The following MAGI2 variants were observed in gnomAD, a reference collection of about 807,000 sequenced individuals.
MAGI2 encodes the protein membrane-associated guanylate kinase, WW and PDZ domain-containing protein 2.
Under a neutral mutation model 133.3 loss-of-function variants are expected in MAGI2, and 35 were observed. That is an observed-to-expected ratio of 0.26 (90% CI 0.20 to 0.35). The LOEUF is 0.35. Among genes scored for constraint, MAGI2 ranks in the 10% least tolerant of loss-of-function variants. The pLI is 1.00. For missense variants in MAGI2, 1,636 were observed against 1,863.4 expected (o/e 0.88, Z 2.25); for synonymous variants, 729 against 710.6 (o/e 1.03, Z -0.41).
intron 3 of MAGI2, among the ~76,000 whole-genome samples, chr7:78,590,846 A>C (rs1803923994): frequency 6.6e-6 from 1 of 152,180 alleles, no homozygotes; most frequent in Non-Finnish European, 1.5e-5. Context: ...AATGTAATTT[A>C]CTTTCCTTTC....
chr7:78,193,291 C>T (rs1317292586), intron 12 of MAGI2, among the ~76,000 whole-genome samples: 3 of 152,178 alleles, frequency 2.0e-5, no homozygotes, highest in Non-Finnish European at 4.4e-5. Flanking sequence ...TCTCTTAATG[C>T]TCCCTAAATG....
chr7:79,071,025 T>C (rs997189874), intron 1 of MAGI2, among the ~76,000 whole-genome samples: 5 of 152,084 alleles, frequency 3.3e-5, no homozygotes, highest in African/African-American at 4.8e-5. Context: ...AGAAGAGGCG[T>C]TCTGGTTTTT....
intron 4 of MAGI2, among the ~76,000 whole-genome samples, chr7:78,504,469 G>C (rs765483740): frequency 2.0e-5 from 3 of 152,090 alleles, no homozygotes; most frequent in Non-Finnish European, 4.4e-5. Flanking sequence ...AATACCGTTA[G>C]GGTAAATACG....
At chr7:78,093,052 C>T (rs1458965020) in intron 20 of MAGI2, among the ~76,000 whole-genome samples, 2 of 136,132 alleles carry the variant, frequency 1.5e-5, no homozygotes, top group African/African-American at 2.8e-5. Context: ...AGGAGAATGG[C>T]GTGAACCTGG....
intron 2 of MAGI2, among the ~76,000 whole-genome samples, chr7:78,859,011 T>C (rs532273691): frequency 6.6e-6 from 1 of 152,328 alleles, no homozygotes; most frequent in East Asian, 1.9e-4. Context: ...TTGTCTCTTT[T>C]GATCTTTGCG....
At chr7:78,418,996 T>C (rs1584007777) in intron 6 of MAGI2, among the ~76,000 whole-genome samples, 1 of 152,218 alleles carries the variant, frequency 6.6e-6, no homozygotes, top group East Asian at 1.9e-4. Flanking sequence ...GATAATAAAT[T>C]GCCTGGAAAT....
At chr7:78,523,813 C>A (rs1796716806) in intron 3 of MAGI2, among the ~76,000 whole-genome samples, 1 of 152,010 alleles carries the variant, frequency 6.6e-6, no homozygotes, top group Admixed American at 6.5e-5. Context: ...ATGGGGATTA[C>A]AATTCAAGAT....
chr7:78,722,717 G>A (rs7805425), intron 2 of MAGI2, among the ~76,000 whole-genome samples: 39,191 of 151,836 alleles, frequency 0.26, 5,691 homozygotes, highest in South Asian at 0.41. Context: ...AACAACCTCT[G>A]TTAAATAATT....
chr7:78,493,693 G>A (rs1370689322), intron 5 of MAGI2, among the ~76,000 whole-genome samples: 1 of 152,074 alleles, frequency 6.6e-6, no homozygotes, highest in Non-Finnish European at 1.5e-5. Context: ...TTATACTGAG[G>A]TGCTTCATTT....
At chr7:78,358,494 G>GC (rs1792406675) in intron 7 of MAGI2, 1 of 155,320 alleles carries the variant, frequency 6.4e-6, no homozygotes, top group Non-Finnish European at 1.4e-5. Flanking sequence ...CCTTCCCAAG[G>GC]CCCACCCGCC....
intron 1 of MAGI2, among the ~76,000 whole-genome samples, chr7:79,041,071 A>G (rs759557000): frequency 9.9e-5 from 15 of 152,164 alleles, no homozygotes; most frequent in Admixed American, 2.0e-4. Context: ...CATTCTACAC[A>G]TGTATCAAAA....
intron 2 of MAGI2, among the ~76,000 whole-genome samples, chr7:78,744,466 T>G (rs1357989669): frequency 1.3e-5 from 2 of 152,220 alleles, no homozygotes; most frequent in Non-Finnish European, 2.9e-5. Flanking sequence ...GGAATATGAA[T>G]TTAATTGTTT....
At chr7:79,378,971 T>TATATATATATATA (rs1563168412) in intron 1 of MAGI2, among the ~76,000 whole-genome samples, 3 of 101,426 alleles carry the variant, frequency 3.0e-5, no homozygotes, top group Admixed American at 9.2e-5. Flanking sequence ...TATATATATA[T>TATATATATATATA]TAAACTTTAA....
At chr7:78,638,928 GAAAAGAAAGATCA>G (rs1809973684) in intron 2 of MAGI2, among the ~76,000 whole-genome samples, 2 of 152,068 alleles carry the variant, frequency 1.3e-5, no homozygotes, top group South Asian at 4.2e-4. Flanking sequence ...TGAGCTTAAG[GAAAAGAAAGATCA>G]GTGACTTTCT....
intron 2 of MAGI2, among the ~76,000 whole-genome samples, chr7:78,685,469 T>G (rs1386069651): frequency 6.3e-5 from 1 of 15,758 alleles, no homozygotes; most frequent in Non-Finnish European, 1.5e-4. Flanking sequence ...CATTGTCGTT[T>G]TTTTTTTTTT....
At chr7:79,312,541 G>T (rs1051127243) in intron 1 of MAGI2, among the ~76,000 whole-genome samples, 1 of 152,010 alleles carries the variant, frequency 6.6e-6, no homozygotes, top group Non-Finnish European at 1.5e-5. Context: ...ACACAGTCTG[G>T]CTTCTGTTTC....
chr7:79,312,285 C>A (rs923856533), intron 1 of MAGI2, among the ~76,000 whole-genome samples: 1 of 152,116 alleles, frequency 6.6e-6, no homozygotes, highest in African/African-American at 2.4e-5. Context: ...GATCTCCCCA[C>A]CCACTATTAC....
At chr7:78,316,707 G>A (rs1038876921) in intron 9 of MAGI2, among the ~76,000 whole-genome samples, 1 of 152,126 alleles carries the variant, frequency 6.6e-6, no homozygotes, top group African/African-American at 2.4e-5. Context: ...AGTCAACTAA[G>A]GTGAAGAAAA....
chr7:79,302,744 A>T (rs1025171651), intron 1 of MAGI2, among the ~76,000 whole-genome samples: 2 of 152,314 alleles, frequency 1.3e-5, no homozygotes, highest in Admixed American at 1.3e-4. Context: ...TGGTTAGAGG[A>T]TTAGAGACTT....
Sources: allele counts gnomAD v4.1 joint callset (sites outside exome capture counted in the v4.1 genomes callset), GRCh38; gene constraint gnomAD v4.1.1; transcripts MANE v1.5; gene names NCBI Gene and HGNC (gene_info 2026-07-23, HGNC 2026-07-21).